The following CDH18 variants were observed in gnomAD, a reference collection of about 807,000 sequenced individuals.
CDH18 encodes cadherin 18, also known as cadherin-18.
A neutral mutation model predicts 67.9 loss-of-function variants in CDH18; 31 were observed. The ratio of observed to expected loss-of-function variants is 0.46; its 90% CI spans 0.34 to 0.62. CDH18 has a LOEUF of 0.62. Among genes scored for constraint, CDH18 ranks in the 20% least tolerant of loss-of-function variants. The pLI is 0.01. For synonymous variants in CDH18, 362 were observed against 347.2 expected (o/e 1.04, Z -0.48); for missense variants, 890 against 975.5 (o/e 0.91, Z 1.17).
At chr5:20,467,661 CAT>C (rs773601371) in intron 1 of CDH18, among the ~76,000 whole-genome samples, 1 of 152,108 alleles carries the variant, frequency 6.6e-6, no homozygotes, top group Admixed American at 6.6e-5. Flanking sequence ...TTAGCTAACA[CAT>C]ATTTATTGAA....
intron 2 of CDH18, among the ~76,000 whole-genome samples, chr5:20,120,549 A>G (rs1469968809): frequency 6.6e-6 from 1 of 152,182 alleles, no homozygotes; most frequent in African/African-American, 2.4e-5. Flanking sequence ...TCAAAACAAA[A>G]TAGAGAAAGG....
rs1743011271 is a variant in CDH18 at position 20,371,665 on chromosome 5, A to G, written c.-579-116160T>C. On this transcript the variant is annotated intron_variant, in intron 1 of 14. Coordinates refer to the CDH18 transcript ENST00000507958. The stretch of plus-strand genomic sequence containing the variant: ...TTGTTTCTTTTAAGATGGGAGACAT[A>G]AGAACGTTCACATGCTAATGAAAGC... 1.3e-5 allele frequency among the ~76,000 whole-genome samples: 2 copies of G among 152,236 alleles called. 1 individual carries two copies. The highest frequency in any genetic ancestry group is 4.1e-4 in the South Asian group (2 of 4,834).
intron 5 of CDH18, among the ~76,000 whole-genome samples, chr5:19,653,260 G>T (rs1044858913): frequency 1.3e-5 from 2 of 152,004 alleles, no homozygotes; most frequent in Non-Finnish European, 2.9e-5. Context: ...AGCAACAATC[G>T]AGTCTAGAAT....
intron 2 of CDH18, among the ~76,000 whole-genome samples, chr5:20,040,117 C>A (rs1227476441): frequency 2.0e-5 from 3 of 152,062 alleles, no homozygotes; most frequent in African/African-American, 7.2e-5. Flanking sequence ...CATCACTGGT[C>A]ATTAGAGAAA....
chr5:19,651,276 A>T (rs1580702874), intron 5 of CDH18, among the ~76,000 whole-genome samples: 3 of 152,116 alleles, frequency 2.0e-5, no homozygotes, highest in African/African-American at 4.8e-5. Context: ...AAATAAATTT[A>T]AAAATTTCAG....
intron 2 of CDH18, among the ~76,000 whole-genome samples, chr5:20,005,651 T>G (rs1736842644): frequency 6.6e-6 from 1 of 151,892 alleles, no homozygotes; most frequent in Non-Finnish European, 1.5e-5. Context: ...TCAAGTTATT[T>G]AAGATGGTTA....
chr5:19,893,703 A>G (rs1424593536), intron 2 of CDH18, among the ~76,000 whole-genome samples: 1 of 152,136 alleles, frequency 6.6e-6, no homozygotes, highest in Non-Finnish European at 1.5e-5. Flanking sequence ...TGAGTGGTAG[A>G]GACTATTTAA....
At chr5:20,433,927 G>T (rs145834853) in intron 1 of CDH18, among the ~76,000 whole-genome samples, 1 of 152,020 alleles carries the variant, frequency 6.6e-6, no homozygotes, top group Non-Finnish European at 1.5e-5. Flanking sequence ...AAGAAAACGC[G>T]TCATAAACGA....
At chr5:20,076,297 T>C (rs2150533129) in intron 2 of CDH18, among the ~76,000 whole-genome samples, 1 of 152,076 alleles carries the variant, frequency 6.6e-6, no homozygotes, top group African/African-American at 2.4e-5. Flanking sequence ...TTTGGGTGTG[T>C]TTGGGGTGGG....
At chr5:20,492,857 A>G (rs1753672009) in intron 1 of CDH18, among the ~76,000 whole-genome samples, 1 of 152,140 alleles carries the variant, frequency 6.6e-6, no homozygotes, top group East Asian at 1.9e-4. Flanking sequence ...GAATCGCTGC[A>G]CTCATTGCTT....
intron 2 of CDH18, among the ~76,000 whole-genome samples, chr5:19,861,831 GAAACATGAAGAGTTC>G (rs1486685769): frequency 6.6e-6 from 1 of 152,084 alleles, no homozygotes. Context: ...TGGGTGGGAG[GAAACATGAAGAGTTC>G]AATATTCTAC....
At chr5:20,553,723 C>T (rs1757763070) in intron 1 of CDH18, among the ~76,000 whole-genome samples, 1 of 152,100 alleles carries the variant, frequency 6.6e-6, no homozygotes, top group African/African-American at 2.4e-5. Context: ...TTAAGTTGCA[C>T]ATATCATAAG....
chr5:19,537,077 A>AGGTGTTTTT (rs1749532208), intron 9 of CDH18, among the ~76,000 whole-genome samples: 1 of 152,160 alleles, frequency 6.6e-6, no homozygotes, highest in African/African-American at 2.4e-5. Context: ...ACATTATTCT[A>AGGTGTTTTT]GGTGTTTTTG....
At chr5:20,207,200 T>C (rs1440003427) in intron 2 of CDH18, among the ~76,000 whole-genome samples, 1 of 151,512 alleles carries the variant, frequency 6.6e-6, no homozygotes, top group East Asian at 1.9e-4. Flanking sequence ...TAAGCCAACA[T>C]TGAACAATGT....
In CDH18 at chr5:19,631,481, T is replaced by A. The variant is rs144066482; in HGVS notation, c.644-18880A>T. 7.4e-3 allele frequency among the ~76,000 whole-genome samples: 1,122 copies of A among 152,244 alleles called. 15 individuals are homozygous for A. The highest frequency in any genetic ancestry group is 0.025 in the African/African-American group (1,059 of 41,560). On this transcript the variant is annotated intron_variant, in intron 5 of 12. Coordinates refer to ENST00000382275, the MANE Select transcript of CDH18 (RefSeq NM_004934.5). ...TTATTTCTTAATCTTTCTATTAAGG[T>A]ATCTTTGGCAAGGTCACTTAACCAA...
At chr5:20,268,950 G>A (rs1195178336) in intron 1 of CDH18, among the ~76,000 whole-genome samples, 2 of 152,058 alleles carry the variant, frequency 1.3e-5, no homozygotes, top group East Asian at 1.9e-4. Context: ...CTGTTGAATG[G>A]GAGAAAATAT....
chr5:19,947,527 G>A (rs1021343991), intron 2 of CDH18, among the ~76,000 whole-genome samples: 1 of 138,790 alleles, frequency 7.2e-6, no homozygotes, highest in Admixed American at 8.4e-5. Context: ...GATTGCCTGA[G>A]CTCAGGAGTT....
chr5:20,177,611 G>T (rs181068932), intron 2 of CDH18, among the ~76,000 whole-genome samples: 65 of 152,158 alleles, frequency 4.3e-4, no homozygotes, highest in African/African-American at 1.4e-3. Context: ...GTCTGGAGGA[G>T]ATTCATGTTT....
chr5:20,093,402 G>A (rs370599805), intron 2 of CDH18, among the ~76,000 whole-genome samples: 92 of 149,638 alleles, frequency 6.1e-4, no homozygotes, highest in African/African-American at 1.9e-3. Flanking sequence ...GGTAATACAC[G>A]TATACAAAAT....
Sources: allele counts gnomAD v4.1 joint callset (sites outside exome capture counted in the v4.1 genomes callset), GRCh38; gene constraint gnomAD v4.1.1; transcripts MANE v1.5; gene names NCBI Gene and HGNC (gene_info 2026-07-23, HGNC 2026-07-21).